The following CAB39 variants were observed in gnomAD, a reference collection of about 807,000 sequenced individuals.
The protein encoded by CAB39 is calcium binding protein 39, also known as calcium-binding protein 39.
A neutral mutation model predicts 40.0 loss-of-function variants in CAB39; 8 were observed. The observed-to-expected ratio is 0.20, with a 90% confidence interval of 0.12 to 0.36. The LOEUF (loss-of-function observed/expected upper bound fraction) is 0.36. Ranked by LOEUF, CAB39 falls within the 10% of genes least tolerant of loss-of-function variation. The pLI is 1.00. For synonymous variants in CAB39, 156 were observed against 141.6 expected (o/e 1.10, Z -0.72); for missense variants, 270 against 401.1 (o/e 0.67, Z 2.79).
intron 7 of CAB39, among the ~76,000 whole-genome samples, chr2:230,816,598 A>G (rs1010694486): frequency 1.3e-5 from 2 of 152,256 alleles, no homozygotes; most frequent in African/African-American, 4.8e-5. Context: ...TATCTAGAAC[A>G]TAGCCAGAAA....
intron 6 of CAB39, among the ~76,000 whole-genome samples, chr2:230,810,831 T>C (rs1443777941): frequency 6.6e-6 from 1 of 152,224 alleles, no homozygotes; most frequent in Non-Finnish European, 1.5e-5. Flanking sequence ...AATGAGGACA[T>C]TGGACTAGCT....
chr2:230,816,560 C>G (rs1696404614), intron 7 of CAB39, among the ~76,000 whole-genome samples: 1 of 152,118 alleles, frequency 6.6e-6, no homozygotes. Flanking sequence ...GTTACTTATC[C>G]AGAGATCAGT....
chr2:230,725,551 A>G, intron 1 of CAB39: 2 of 793,398 alleles, frequency 2.5e-6, no homozygotes, highest in Non-Finnish European at 4.3e-6. Flanking sequence ...TAATGGGGAA[A>G]ACCAAGCAAA....
intron 6 of CAB39, among the ~76,000 whole-genome samples, chr2:230,813,650 C>A (rs3792065): frequency 6.6e-6 from 1 of 152,020 alleles, no homozygotes; most frequent in East Asian, 1.9e-4. Context: ...ATATAAAATA[C>A]GAGTTTTTCA....
chr2:230,741,416 G>T (rs1345319500), intron 1 of CAB39, among the ~76,000 whole-genome samples: 1 of 152,196 alleles, frequency 6.6e-6, no homozygotes, highest in Admixed American at 6.5e-5. Flanking sequence ...CATGGAAATG[G>T]TTGCTCAGAT....
At chr2:230,755,581 A>G (rs1437846087) in intron 1 of CAB39, among the ~76,000 whole-genome samples, 1 of 151,710 alleles carries the variant, frequency 6.6e-6, no homozygotes, top group Admixed American at 6.6e-5. Context: ...ATTTTCTCCC[A>G]CTCTGTGGGT....
chr2:230,773,803 T>C (rs1307753802), intron 2 of CAB39, among the ~76,000 whole-genome samples: 1 of 152,062 alleles, frequency 6.6e-6, no homozygotes, highest in Admixed American at 6.6e-5. Flanking sequence ...TTCAGACCCA[T>C]GAGTGGAAAT....
At chr2:230,740,109 C>T (rs1251322874) in intron 1 of CAB39, among the ~76,000 whole-genome samples, 1 of 152,162 alleles carries the variant, frequency 6.6e-6, no homozygotes, top group Non-Finnish European at 1.5e-5. Flanking sequence ...AATATGTGTG[C>T]ATCATGGGTC....
intron 5 of CAB39, 173 bp downstream of exon 5, chr2:230,799,070 A>G (rs1696039512): frequency 2.0e-6 from 1 of 510,126 alleles, no homozygotes; most frequent in Non-Finnish European, 3.4e-6. Flanking sequence ...ACAGCTTTAA[A>G]AGGGTGGAAA....
chr2:230,772,881 G>C (rs908046781), intron 2 of CAB39, among the ~76,000 whole-genome samples: 1 of 149,838 alleles, frequency 6.7e-6, no homozygotes, highest in African/African-American at 2.5e-5. Flanking sequence ...TTCATGAAAA[G>C]ACTTTTGCTT....
chr2:230,749,255 C>G (rs917882917), intron 1 of CAB39, among the ~76,000 whole-genome samples: 1 of 152,010 alleles, frequency 6.6e-6, no homozygotes, highest in Non-Finnish European at 1.5e-5. Context: ...TAGGCCTTTG[C>G]AGCACTTTTC....
In CAB39 at chr2:230,754,472, T is replaced by G. The variant is rs147271267; in HGVS notation, c.-43-5487T>G. ...CTTCCCCTTTCCCTCCTTCTTCCCC[T>G]CCTACTCCTTCCGCTCCTCTTCCTC... On this transcript the variant is annotated intron_variant, in intron 1 of 8. Coordinates refer to ENST00000258418, the MANE Select transcript of CAB39 (RefSeq NM_016289.4). 2.4e-3 allele frequency among the ~76,000 whole-genome samples: 321 copies of G among 135,066 alleles called. 3 individuals are homozygous for G. The highest frequency in any genetic ancestry group is 6.0e-3 in the East Asian group (24 of 4,000). The allele number at this position is 135,066 out of a possible 152,430, so 88.6% of individuals were successfully genotyped here.
At chr2:230,806,187 GTGT>G (rs375392696) in intron 5 of CAB39, among the ~76,000 whole-genome samples, 149 of 152,286 alleles carry the variant, frequency 9.8e-4, no homozygotes, top group African/African-American at 3.4e-3. Flanking sequence ...TAGGAAGGCA[GTGT>G]TGTTATTACT....
intron 1 of CAB39, among the ~76,000 whole-genome samples, chr2:230,718,043 T>G (rs186277463): frequency 1.6e-4 from 24 of 152,346 alleles, no homozygotes; most frequent in African/African-American, 5.5e-4. Context: ...AGATTGTGTT[T>G]GCTTGTTTAT....
At chr2:230,742,057 T>C (rs950387358) in intron 1 of CAB39, among the ~76,000 whole-genome samples, 1 of 152,260 alleles carries the variant, frequency 6.6e-6, no homozygotes, top group Non-Finnish European at 1.5e-5. Flanking sequence ...TCTATAAATA[T>C]GAAATTTTGG....
intron 2 of CAB39, among the ~76,000 whole-genome samples, chr2:230,767,869 G>A (rs1000820589): frequency 2.0e-5 from 3 of 152,004 alleles, no homozygotes. Flanking sequence ...TCTTTCCCTA[G>A]TGCTCTATTT....
intron 8 of CAB39, 101 bp from the exon 9 acceptor site, chr2:230,818,415 C>T: frequency 1.1e-6 from 1 of 916,270 alleles, no homozygotes; most frequent in Non-Finnish European, 1.7e-6. Context: ...CAGCGCCATC[C>T]CAGGAGAGCA....
chr2:230,731,800 G>A (rs1694695121), intron 1 of CAB39, among the ~76,000 whole-genome samples: 3 of 151,942 alleles, frequency 2.0e-5, no homozygotes, highest in Non-Finnish European at 4.4e-5. Context: ...CAGCTGAATT[G>A]TATGCTGAAT....
intron 1 of CAB39, among the ~76,000 whole-genome samples, chr2:230,750,584 C>T (rs1404818765): frequency 6.6e-6 from 1 of 151,080 alleles, no homozygotes; most frequent in Admixed American, 6.6e-5. Flanking sequence ...TTTTTTTTTA[C>T]TTCTCCATAT....
Sources: allele counts gnomAD v4.1 joint callset (sites outside exome capture counted in the v4.1 genomes callset), GRCh38; gene constraint gnomAD v4.1.1; transcripts MANE v1.5; gene names NCBI Gene and HGNC (gene_info 2026-07-23, HGNC 2026-07-21).